Variants in EYS observed in about 807,000 individuals in gnomAD.
The protein encoded by EYS is EGF-like photoreceptor maintenance factor, also known as protein eyes shut homolog.
A neutral mutation model predicts 282.1 loss-of-function variants in EYS; 250 were observed. The ratio of observed to expected loss-of-function variants is 0.89; its 90% confidence interval spans 0.80 to 0.98. The LOEUF is 0.98. Ranked by LOEUF, EYS falls within the 50% of genes least tolerant of loss-of-function variation. The probability of loss-of-function intolerance (pLI) is 0.00; values close to 1 mark genes in which losing one functional copy is unlikely to be tolerated. For missense variants in EYS, 4,016 were observed against 3,709.0 expected (o/e 1.08, Z -2.15); for synonymous variants, 1,355 against 1,282.9 (o/e 1.06, Z -1.20).
At chr6:64,427,867 A>T (rs1422382615) in intron 28 of EYS, among the ~76,000 whole-genome samples, 1 of 152,140 alleles carries the variant, frequency 6.6e-6, no homozygotes, top group Non-Finnish European at 1.5e-5. Context: ...TATTTGTAAA[A>T]TGACTTGAAT....
chr6:63,934,501 A>G (rs1764993161), intron 35 of EYS, among the ~76,000 whole-genome samples: 1 of 152,182 alleles, frequency 6.6e-6, no homozygotes, highest in African/African-American at 2.4e-5. Context: ...AACCAACCCA[A>G]ACGTCCAACA....
At chr6:64,376,081 G>A (rs1772554269) in intron 29 of EYS, among the ~76,000 whole-genome samples, 1 of 152,160 alleles carries the variant, frequency 6.6e-6, no homozygotes, top group African/African-American at 2.4e-5. Context: ...AAATAAGAAA[G>A]ATCTATCATT....
At chr6:64,185,948 T>C (rs1023062910) in intron 31 of EYS, among the ~76,000 whole-genome samples, 1 of 152,180 alleles carries the variant, frequency 6.6e-6, no homozygotes, top group African/African-American at 2.4e-5. Context: ...TAGACTCATC[T>C]AAGGCTCTTT....
In EYS at chr6:64,439,322, G is replaced by T; in HGVS notation, c.5675C>A (p.Ser1892Tyr). Residue 1892 changes from serine to tyrosine, a missense_variant, in exon 27 of 43, where the codon TCT (serine) becomes TAT (tyrosine). By Grantham distance (144) the Ser-to-Tyr change is moderately radical. Coordinates refer to ENST00000503581, the MANE Select transcript of EYS (RefSeq NM_001142800.2). The stretch of plus-strand genomic sequence containing the variant: ...AGCCACATTCTGAAATTCTAGATAA[G>T]AATCTCCATAATAACGAACACAACT... ...DFSCVRYYGD[S>Y]YLEFQNVALN... is the part of the protein sequence containing the mutation. 1 of 1,513,100 alleles carries T rather than the reference G, an allele frequency of 6.6e-7. No homozygotes were observed. Among genetic ancestry groups the T allele is most frequent in the Non-Finnish European group, 8.8e-7 (1 of 1,133,248 alleles). 93.7% of individuals were successfully genotyped at this position (1,513,100 alleles called of 1,614,324 possible). A position where few individuals can be genotyped will look rare whatever the true frequency, so the allele number is the denominator to read the frequency against.
chr6:65,080,566 A>G (rs1314022872), intron 12 of EYS, among the ~76,000 whole-genome samples: 1 of 152,092 alleles, frequency 6.6e-6, no homozygotes, highest in Non-Finnish European at 1.5e-5. Flanking sequence ...TTGTCTCAAT[A>G]TACTGTGGCT....
At chr6:64,862,617 T>A (rs9354173) in intron 19 of EYS, among the ~76,000 whole-genome samples, 23,504 of 152,040 alleles carry the variant, frequency 0.15, 2,140 homozygotes, top group East Asian at 0.49. Context: ...TATGGAGTAA[T>A]CATTCAGTCT....
chr6:65,374,753 G>C (rs4032790), intron 8 of EYS, among the ~76,000 whole-genome samples: 62,681 of 151,770 alleles, frequency 0.41, 13,939 homozygotes, highest in South Asian at 0.5. Context: ...GAGTAGGAGA[G>C]TTTCCCCTGA....
chr6:64,230,160 T>C (rs2150337722), intron 31 of EYS, among the ~76,000 whole-genome samples: 1 of 152,346 alleles, frequency 6.6e-6, no homozygotes, highest in South Asian at 2.1e-4. Flanking sequence ...CAAAAGTTAA[T>C]GTACTATTCT....
At chr6:64,503,015 T>C (rs1379982656) in intron 26 of EYS, among the ~76,000 whole-genome samples, 1 of 152,230 alleles carries the variant, frequency 6.6e-6, no homozygotes, top group Non-Finnish European at 1.5e-5. Flanking sequence ...AAATATGTTG[T>C]TGCCATAGCT....
chr6:64,459,559 GGGAA>G (rs1775676060), intron 26 of EYS, among the ~76,000 whole-genome samples: 1 of 152,170 alleles, frequency 6.6e-6, no homozygotes, highest in Non-Finnish European at 1.5e-5. Flanking sequence ...CACAAAAGTA[GGGAA>G]GCCGACAGTG....
chr6:64,112,422 A>G (rs1773234815), intron 31 of EYS, among the ~76,000 whole-genome samples: 1 of 151,996 alleles, frequency 6.6e-6, no homozygotes, highest in African/African-American at 2.4e-5. Context: ...TTTTAACTGT[A>G]TATTGACAAA....
intron 12 of EYS, among the ~76,000 whole-genome samples, chr6:65,274,487 G>A (rs998960300): frequency 6.6e-6 from 1 of 152,144 alleles, no homozygotes; most frequent in Non-Finnish European, 1.5e-5. Flanking sequence ...CTAGTATACA[G>A]CTATTGATCT....
chr6:63,967,942 C>T (rs553933751), intron 35 of EYS, among the ~76,000 whole-genome samples: 5 of 152,214 alleles, frequency 3.3e-5, no homozygotes, highest in Admixed American at 1.3e-4. Flanking sequence ...TGCCTCAAAT[C>T]GCATAGCTTT....
intron 2 of EYS, among the ~76,000 whole-genome samples, chr6:65,578,536 AC>A (rs1562269066): frequency 6.6e-6 from 1 of 151,862 alleles, no homozygotes; most frequent in Admixed American, 6.6e-5. Context: ...CATCATGGTG[AC>A]CACAGTAAAT....
intron 26 of EYS, among the ~76,000 whole-genome samples, chr6:64,566,681 A>G (rs1488113931): frequency 6.6e-6 from 1 of 152,334 alleles, no homozygotes; most frequent in Non-Finnish European, 1.5e-5. Context: ...AGTATTTAAT[A>G]CTAGATTAAA....
chr6:64,246,690 T>C (rs1377831455), intron 30 of EYS, among the ~76,000 whole-genome samples: 1 of 152,188 alleles, frequency 6.6e-6, no homozygotes, highest in African/African-American at 2.4e-5. Context: ...TGACATCTAG[T>C]AGTTGCTAGA....
At chr6:65,603,221 T>C (rs924170483) in intron 2 of EYS, among the ~76,000 whole-genome samples, 3 of 151,798 alleles carry the variant, frequency 2.0e-5, no homozygotes, top group Admixed American at 2.0e-4. Context: ...AATAAACACA[T>C]GCATATAACT....
At chr6:64,351,346 G>A (rs987747291) in intron 29 of EYS, among the ~76,000 whole-genome samples, 21 of 151,276 alleles carry the variant, frequency 1.4e-4, no homozygotes, top group African/African-American at 4.4e-4. Context: ...GACAGAGGTC[G>A]GCTAAACCAA....
intron 29 of EYS, among the ~76,000 whole-genome samples, chr6:64,342,040 G>C (rs1771135651): frequency 6.6e-6 from 1 of 151,480 alleles, no homozygotes; most frequent in Non-Finnish European, 1.5e-5. Flanking sequence ...ATAGAAACTA[G>C]ATTTCTTAAA....
Sources: allele counts gnomAD v4.1 joint callset (sites outside exome capture counted in the v4.1 genomes callset), GRCh38; gene constraint gnomAD v4.1.1; transcripts MANE v1.5; gene names NCBI Gene and HGNC (gene_info 2026-07-23, HGNC 2026-07-21).